The following SLC8A3 variants were observed in gnomAD, a reference collection of about 807,000 sequenced individuals.
SLC8A3 encodes solute carrier family 8 member A3.
A neutral mutation model predicts 65.4 loss-of-function variants in SLC8A3; 37 were observed. The ratio of observed to expected loss-of-function variants is 0.57; its 90% CI spans 0.44 to 0.74. SLC8A3 has a LOEUF of 0.74. Ranked by LOEUF, SLC8A3 falls within the 30% of genes least tolerant of loss-of-function variation. The pLI is 0.00. For synonymous variants in SLC8A3, 461 were observed against 444.5 expected (o/e 1.04, Z -0.47); for missense variants, 1,112 against 1,172.1 (o/e 0.95, Z 0.75).
At chr14:70,173,788 G>C (rs1260812949) in intron 1 of SLC8A3, among the ~76,000 whole-genome samples, 1 of 152,152 alleles carries the variant, frequency 6.6e-6, no homozygotes, top group African/African-American at 2.4e-5. Flanking sequence ...GCCTCCGGTG[G>C]GTGGAAGTCA....
Position 70,044,497 on chromosome 14 carries a change from A to G in SLC8A3, c.*1450T>C, listed in dbSNP as rs1016432932. On this transcript the variant is annotated 3_prime_UTR_variant, in exon 7 of 7. Coordinates refer to ENST00000356921, the MANE Select transcript of SLC8A3 (RefSeq NM_182932.3). ...GTGTTTGTGTGCGTGTTTTAAAGCC[A>G]GGTCCTTCCCACATTCGTTGAGAAA... is the stretch of plus-strand genomic sequence containing the variant. The G allele has an allele frequency of 2.6e-5, 4 of 151,534 alleles. No homozygotes were observed. Among genetic ancestry groups the G allele is most frequent in the African/African-American group, 9.7e-5 (4 of 41,220 alleles). The allele number at this position is 151,534 out of a possible 1,614,324, so 9.4% of individuals were successfully genotyped here.
chr14:70,135,457 C>T (rs1458850828), intron 2 of SLC8A3, among the ~76,000 whole-genome samples: 3 of 152,066 alleles, frequency 2.0e-5, no homozygotes. Context: ...TATTGGAGCA[C>T]TATTCACAAT....
chr14:70,158,658 T>C (rs10140543), intron 2 of SLC8A3, among the ~76,000 whole-genome samples: 152,240 of 152,346 alleles, frequency 1, 76,068 homozygotes, highest in East Asian at 1. Context: ...CCTATGTATG[T>C]TAATCCTTAG....
intron 2 of SLC8A3, among the ~76,000 whole-genome samples, chr14:70,153,479 C>T (rs185716078): frequency 1.8e-4 from 27 of 152,196 alleles, no homozygotes; most frequent in Admixed American, 4.6e-4. Context: ...CTTCTAATGA[C>T]GCCAAACTGA....
At position 70,167,695 on chromosome 14, in the gene SLC8A3, A is replaced by C. The variant is rs1236090276; in HGVS notation, c.728T>G (p.Val243Gly). The C allele has an allele frequency of 6.2e-7, 1 of 1,614,046 alleles. No individual in the cohort carries two copies. The highest frequency in any genetic ancestry group is 8.5e-7 in the Non-Finnish European group (1 of 1,180,038). ...TGCCACCCAGGCCAGAAGGACACAC[A>C]CTGGAAAGAAGAAGAGAGTGAGGAG... Reference protein sequence around the residue: ...EGLLTLFFFPVCVLLAWVADK... With the variant: ...EGLLTLFFFPGCVLLAWVADK... The change falls in exon 2 of 7, where the codon GTG becomes GGG. Residue 243 changes from valine to glycine, a missense_variant. Physicochemically the swap from Val to Gly is moderately radical, Grantham distance 109. Coordinates refer to ENST00000356921, the MANE Select transcript of SLC8A3 (RefSeq NM_182932.3).
At chr14:70,143,110 C>T (rs576808821) in intron 2 of SLC8A3, among the ~76,000 whole-genome samples, 2 of 152,294 alleles carry the variant, frequency 1.3e-5, no homozygotes, top group African/African-American at 4.8e-5. Context: ...TGGAGACAGG[C>T]TTTTGCTTCT....
chr14:70,091,466 C>G (rs932615483), intron 2 of SLC8A3, among the ~76,000 whole-genome samples: 9 of 152,196 alleles, frequency 5.9e-5, no homozygotes, highest in African/African-American at 2.2e-4. Context: ...TCGTATACCC[C>G]CTTGACTCCT....
intron 2 of SLC8A3, among the ~76,000 whole-genome samples, chr14:70,164,688 G>A (rs562847619): frequency 1.3e-5 from 2 of 152,254 alleles, no homozygotes; most frequent in South Asian, 4.2e-4. Flanking sequence ...CTACCTATCC[G>A]TGACATGGGT....
intron 2 of SLC8A3, among the ~76,000 whole-genome samples, chr14:70,111,886 G>A (rs948717157): frequency 6.6e-6 from 1 of 152,202 alleles, no homozygotes; most frequent in Non-Finnish European, 1.5e-5. Flanking sequence ...GAGGAGGAAA[G>A]GGGCCAGGGC....
chr14:70,181,390 G>A (rs181702567), intron 1 of SLC8A3, among the ~76,000 whole-genome samples: 7 of 150,894 alleles, frequency 4.6e-5, no homozygotes, highest in African/African-American at 7.3e-5. Context: ...AACACCTACT[G>A]TATTTCAGGC....
In SLC8A3 at chr14:70,168,134, G is replaced by T. The variant is rs1185462859; in HGVS notation, c.289C>A (p.Arg97Ser). ...MFLGVSIIAD[R>S]FMASIEVITS... is the part of the protein sequence containing the mutation. Reference sequence around the variant, plus strand: ...ATGACTTCAATAGATGCCATGAAGCGGTCAGCAATGATGGACACCCCAAGG... The same window carrying T: ...ATGACTTCAATAGATGCCATGAAGCTGTCAGCAATGATGGACACCCCAAGG... Residue 97 changes from arginine (R) to serine (S), a missense_variant, in exon 2 of 7, where the codon CGC becomes AGC. Transcript: ENST00000356921. The T allele has an allele frequency of 3.7e-6, 6 of 1,613,948 alleles. No homozygotes were observed. In the Admixed American group the frequency reaches 6.7e-5, roughly 18 times the overall value.
chr14:70,177,087 A>T (rs17765605), intron 1 of SLC8A3, among the ~76,000 whole-genome samples: 13,971 of 152,214 alleles, frequency 0.092, 809 homozygotes, highest in Middle Eastern at 0.17. Flanking sequence ...TTTTCCACAC[A>T]CTCAAAAAAG....
chr14:70,183,558 T>C (rs1882937176), intron 1 of SLC8A3, among the ~76,000 whole-genome samples: 1 of 152,200 alleles, frequency 6.6e-6, no homozygotes, highest in Non-Finnish European at 1.5e-5. Flanking sequence ...GCCCTTTCTC[T>C]TTTCCCCTAA....
intron 2 of SLC8A3, among the ~76,000 whole-genome samples, chr14:70,066,076 G>A (rs913356443): frequency 1.3e-5 from 2 of 152,216 alleles, no homozygotes; most frequent in African/African-American, 4.8e-5. Flanking sequence ...ATAAGGACAG[G>A]CGTTAACTAG....
At chr14:70,147,775 A>C (rs1259171220) in intron 2 of SLC8A3, among the ~76,000 whole-genome samples, 2 of 152,208 alleles carry the variant, frequency 1.3e-5, no homozygotes, top group African/African-American at 4.8e-5. Context: ...CAGCAGCCCC[A>C]GCTAACACCT....
In SLC8A3 at chr14:70,044,379, C is replaced by CG. The variant is rs1381608611; in HGVS notation, c.*1567_*1568insC. 5.9e-5 allele frequency: 3 copies of CG among 51,214 alleles called. No individual in the cohort carries two copies. Among genetic ancestry groups the CG allele is most frequent in the Admixed American group, 3.4e-4 (2 of 5,804 alleles). The allele number at this position is 51,214 out of a possible 1,614,324, so 3.2% of individuals were successfully genotyped here. On this transcript the variant is annotated 3_prime_UTR_variant, in exon 7 of 7. Coordinates refer to ENST00000356921, the MANE Select transcript of SLC8A3 (RefSeq NM_182932.3). ...TTAACAGGTGTTTTTTAATTTCTTC[C>CG]CCCCCCCCCTTAGAAAATGTATTTA...
chr14:70,119,793 TA>T (rs1398753411), intron 2 of SLC8A3, among the ~76,000 whole-genome samples: 22 of 152,258 alleles, frequency 1.4e-4, no homozygotes, highest in African/African-American at 5.3e-4. Context: ...TTGTGAAGAT[TA>T]AATGAAATAA....
chr14:70,045,910 T>A lies in SLC8A3; in HGVS notation c.*37A>T. 6.5e-7 allele frequency: 1 copy of A among 1,531,484 alleles called. No homozygotes were observed. The highest frequency in any genetic ancestry group is 8.8e-7 in the Non-Finnish European group (1 of 1,135,884). The allele number at this position is 1,531,484 out of a possible 1,614,324, so 94.9% of individuals were successfully genotyped here. A position where few individuals can be genotyped will look rare whatever the true frequency, so the allele number is the denominator to read the frequency against. On this transcript the variant is annotated 3_prime_UTR_variant, in exon 7 of 7. Coordinates refer to ENST00000356921, the MANE Select transcript of SLC8A3 (RefSeq NM_182932.3). ...GGAAGTGCCCTTCTCTTAGGAGAAG[T>A]CCTAGGCCTGCCCTGCTGGAGGCTC...
intron 2 of SLC8A3, among the ~76,000 whole-genome samples, chr14:70,160,409 G>A (rs1319407238): frequency 6.6e-6 from 1 of 152,106 alleles, no homozygotes; most frequent in Non-Finnish European, 1.5e-5. Flanking sequence ...CAGCCTGGGC[G>A]ACAGAATGAG....
Sources: allele counts gnomAD v4.1 joint callset (sites outside exome capture counted in the v4.1 genomes callset), GRCh38; gene constraint gnomAD v4.1.1; transcripts MANE v1.5; gene names NCBI Gene and HGNC (gene_info 2026-07-23, HGNC 2026-07-21).